The following MBNL2 variants were observed in gnomAD, a reference collection of about 807,000 sequenced individuals.
MBNL2 encodes the protein muscleblind-like protein 2.
In MBNL2, 17 loss-of-function variants were observed where a neutral mutation model predicts 41.9. The ratio of observed to expected loss-of-function variants is 0.41; its 90% CI spans 0.28 to 0.61. MBNL2 has a LOEUF of 0.61. MBNL2 is among the 20% of genes least tolerant of loss of function. The probability of loss-of-function intolerance (pLI) is 0.35; values close to 1 mark genes in which losing one functional copy is unlikely to be tolerated. For synonymous variants in MBNL2, 195 were observed against 182.9 expected, an observed-to-expected ratio of 1.07 and a Z score of -0.53; for missense variants, 336 against 505.6, an observed-to-expected ratio of 0.66 and a Z score of 3.22.
intron 2 of MBNL2, among the ~76,000 whole-genome samples, chr13:97,308,902 T>C (rs2058346589): frequency 6.6e-6 from 1 of 152,130 alleles, no homozygotes; most frequent in Non-Finnish European, 1.5e-5. Context: ...TCTAGCAAGA[T>C]AAGCAAAAGA....
chr13:97,203,034 T>C, the MBNL2 span, among the ~76,000 whole-genome samples: 1 of 152,272 alleles, frequency 6.6e-6, no homozygotes, highest in East Asian at 1.9e-4. Context: ...CTTTCTTCCT[T>C]TGGGGAGGAG....
At chr13:97,344,096 G>A (rs1022916236) in intron 4 of MBNL2, among the ~76,000 whole-genome samples, 6 of 152,192 alleles carry the variant, frequency 3.9e-5, no homozygotes, top group Non-Finnish European at 7.3e-5. Context: ...GTGAGCCACC[G>A]CGCCCAGCCC....
At chr13:97,184,099 G>A in the MBNL2 span, among the ~76,000 whole-genome samples, 1 of 152,176 alleles carries the variant, frequency 6.6e-6, no homozygotes, top group Non-Finnish European at 1.5e-5. Context: ...TGAGGAAACT[G>A]AGGTTCATTG....
chr13:97,194,119 C>T, the MBNL2 span, among the ~76,000 whole-genome samples: 1 of 152,220 alleles, frequency 6.6e-6, no homozygotes, highest in Non-Finnish European at 1.5e-5. Context: ...CACTCAAAGT[C>T]TTCCCATCAT....
intron 2 of MBNL2, among the ~76,000 whole-genome samples, chr13:97,283,834 G>T (rs533228766): frequency 6.6e-6 from 1 of 152,266 alleles, no homozygotes; most frequent in South Asian, 2.1e-4. Flanking sequence ...GCAGCTTTCA[G>T]GATAAAAGCA....
chr13:97,158,156 C>T, the MBNL2 span, among the ~76,000 whole-genome samples: 2 of 152,012 alleles, frequency 1.3e-5, no homozygotes, highest in African/African-American at 2.4e-5. Context: ...TTATCCATTT[C>T]TTCTAGATTT....
chr13:97,255,026 T>A (rs564149813), intron 1 of MBNL2, among the ~76,000 whole-genome samples: 1 of 152,310 alleles, frequency 6.6e-6, no homozygotes, highest in Non-Finnish European at 1.5e-5. Context: ...TCAACCTTAA[T>A]GAACCTGTGC....
At position 97,362,236 on chromosome 13, in the gene MBNL2, TTTTC is replaced by T. The variant is rs566461921; in HGVS notation, c.1013-2896_1013-2893del. On this transcript the variant is annotated intron_variant, in intron 7 of 8. Coordinates refer to ENST00000679496, the MANE Select transcript of MBNL2 (RefSeq NM_001382683.1). The stretch of plus-strand genomic sequence containing the variant: ...GAAATCTGAAATGCTCCAAGAAGGA[TTTTC>T]TTTGAGGGGTATGTCAGCACTCAAA... Among the ~76,000 whole-genome samples, 434 of 152,274 alleles carry T rather than the reference TTTTC, an allele frequency of 2.9e-3. 1 individual carries two copies. The highest frequency in any genetic ancestry group is 4.8e-3 in the Non-Finnish European group (328 of 68,012).
chr13:97,191,860 C>T, the MBNL2 span, among the ~76,000 whole-genome samples: 1 of 152,184 alleles, frequency 6.6e-6, no homozygotes, highest in African/African-American at 2.4e-5. Flanking sequence ...AGGGATCCCA[C>T]ACCCTGCATC....
At chr13:97,237,207 C>T (rs144771110) in intron 1 of MBNL2, among the ~76,000 whole-genome samples, 56 of 152,332 alleles carry the variant, frequency 3.7e-4, no homozygotes, top group African/African-American at 1.3e-3. Context: ...GCCCACCTCT[C>T]AGGATTTTTG....
chr13:97,260,044 A>G (rs1428146147), intron 1 of MBNL2, among the ~76,000 whole-genome samples: 1 of 152,200 alleles, frequency 6.6e-6, no homozygotes, highest in Non-Finnish European at 1.5e-5. Flanking sequence ...ACAGATAAAC[A>G]AGTATGCATG....
chr13:97,152,741 A>C, the MBNL2 span, among the ~76,000 whole-genome samples: 3 of 152,140 alleles, frequency 2.0e-5, no homozygotes, highest in African/African-American at 7.2e-5. Context: ...AGGTTCAAAA[A>C]TTTTTCTTGC....
intron 3 of MBNL2, among the ~76,000 whole-genome samples, chr13:97,335,577 G>C (rs2060810341): frequency 6.6e-6 from 1 of 152,028 alleles, no homozygotes; most frequent in Non-Finnish European, 1.5e-5. Context: ...AACCAGCTCT[G>C]CCCAGAGTAA....
At chr13:97,195,275 A>C in the MBNL2 span, among the ~76,000 whole-genome samples, 3 of 152,104 alleles carry the variant, frequency 2.0e-5, no homozygotes, top group Non-Finnish European at 4.4e-5. Flanking sequence ...TTGTGATTTC[A>C]GTTGTCCCCC....
chr13:97,194,488 T>G, the MBNL2 span, among the ~76,000 whole-genome samples: 1 of 152,212 alleles, frequency 6.6e-6, no homozygotes, highest in Non-Finnish European at 1.5e-5. Context: ...TCTCTTTGTA[T>G]AATCCTGGAA....
chr13:97,222,566 A>G (rs2040963762), intron 1 of MBNL2, 35 bp downstream of exon 1: 1 of 397,670 alleles, frequency 2.5e-6, no homozygotes, highest in African/African-American at 2.1e-5. Context: ...GAATGTTTAA[A>G]GAGTTTGCTG....
In MBNL2 at chr13:97,390,641, A is replaced by G. The variant is rs557791861; in HGVS notation, c.1049-681A>G. ...TGAACTTAGAGATCAGACTCAAGGG[A>G]CCACAGCTTGCACTTAATAGTTTAC... On this transcript the variant is annotated intron_variant, in intron 8 of 8. Coordinates refer to ENST00000679496, the MANE Select transcript of MBNL2 (RefSeq NM_001382683.1). 2.0e-5 allele frequency among the ~76,000 whole-genome samples: 3 copies of G among 152,232 alleles called. 1 individual carries two copies. The highest frequency in any genetic ancestry group is 7.2e-5 in the African/African-American group (3 of 41,560).
intron 7 of MBNL2, among the ~76,000 whole-genome samples, chr13:97,364,827 A>G (rs139429582): frequency 1.3e-5 from 2 of 152,304 alleles, no homozygotes; most frequent in South Asian, 4.1e-4. Context: ...TGTCTGTAAA[A>G]TACTTTGAGG....
chr13:97,324,444 A>T (rs143072939), intron 2 of MBNL2, among the ~76,000 whole-genome samples: 102 of 152,304 alleles, frequency 6.7e-4, no homozygotes, highest in Middle Eastern at 3.4e-3. Context: ...GGCTCAGATA[A>T]AAATGTTTCA....
Sources: allele counts gnomAD v4.1 joint callset (sites outside exome capture counted in the v4.1 genomes callset), GRCh38; gene constraint gnomAD v4.1.1; transcripts MANE v1.5; gene names NCBI Gene and HGNC (gene_info 2026-07-23, HGNC 2026-07-21).